MSH3: variants seen among roughly 807,000 people sequenced by gnomAD.
MSH3 encodes the protein DNA mismatch repair protein Msh3.
In MSH3, 106 loss-of-function variants were observed where a neutral mutation model predicts 123.3. The ratio of observed to expected loss-of-function variants is 0.86; its 90% CI spans 0.73 to 1.01. The LOEUF is 1.01. Ranked by LOEUF, MSH3 falls within the 50% of genes least tolerant of loss-of-function variation. The pLI, the probability that MSH3 is intolerant of heterozygous loss-of-function variation, is 0.00. For missense variants in MSH3, 1,459 were observed against 1,347.6 expected, an observed-to-expected ratio of 1.08 and a Z score of -1.29; for synonymous variants, 515 against 481.4, an observed-to-expected ratio of 1.07 and a Z score of -0.91.
At position 80,654,764 on chromosome 5, in the gene MSH3, GC is replaced by G; in HGVS notation, c.39del (p.Ser14ProfsTer11). The G allele has an allele frequency of 6.2e-7, 1 of 1,604,094 alleles. No individual in the cohort carries two copies. Among genetic ancestry groups the G allele is most frequent in the Non-Finnish European group, 8.5e-7 (1 of 1,176,480 alleles). The part of the protein sequence containing the change: ...RRKPASGGLA[A>X]SSSAPARQAV... Reference sequence around the variant, plus strand: ...GAAGCCTGCGTCGGGCGGCCTCGCTGCCTCCAGCTCAGCCCCTGCGAGGCAA... The same window carrying G: ...GAAGCCTGCGTCGGGCGGCCTCGCTGCTCCAGCTCAGCCCCTGCGAGGCAA... On this transcript the variant is annotated frameshift_variant, in exon 1 of 24. Transcript: ENST00000265081. LOFTEE classifies it high-confidence loss of function.
intron 19 of MSH3, among the ~76,000 whole-genome samples, chr5:80,812,300 G>A (rs1042660764): frequency 6.6e-6 from 1 of 152,156 alleles, no homozygotes; most frequent in Non-Finnish European, 1.5e-5. Context: ...TTTGTGTGAA[G>A]TTTCTCACTT....
Position 80,654,693 on chromosome 5 carries a change from A to C in MSH3, c.-35A>C. 1 of 1,562,320 alleles carries C rather than the reference A, an allele frequency of 6.4e-7. No individual in the cohort carries two copies. Among genetic ancestry groups the C allele is most frequent in the Non-Finnish European group, 8.7e-7 (1 of 1,154,950 alleles). On this transcript the variant is annotated 5_prime_UTR_variant, in exon 1 of 24. Transcript: ENST00000265081. ...CGGCCGCGGGCTCGCGCTCCTCGCC[A>C]GGCCCTGCCGCCGGGCTGCCATCCT...
chr5:80,802,597 T>C (rs751934895), intron 19 of MSH3, among the ~76,000 whole-genome samples: 1 of 152,156 alleles, frequency 6.6e-6, no homozygotes, highest in Non-Finnish European at 1.5e-5. Flanking sequence ...ATACTCTTAG[T>C]TATTTTTAAA....
At chr5:80,823,764 T>TA (rs1745240799) in intron 20 of MSH3, among the ~76,000 whole-genome samples, 2 of 152,044 alleles carry the variant, frequency 1.3e-5, no homozygotes, top group Non-Finnish European at 1.5e-5. Flanking sequence ...GGCAGGGTCA[T>TA]AGGACAATAG....
intron 19 of MSH3, among the ~76,000 whole-genome samples, chr5:80,813,265 T>G (rs1485888512): frequency 6.6e-6 from 1 of 152,168 alleles, no homozygotes; most frequent in Admixed American, 6.5e-5. Flanking sequence ...AAATGGAAAT[T>G]GATAGTCTTT....
chr5:80,717,093 A>G (rs758555573), intron 8 of MSH3, among the ~76,000 whole-genome samples: 1 of 152,084 alleles, frequency 6.6e-6, no homozygotes, highest in South Asian at 2.1e-4. Flanking sequence ...CCACATTTTC[A>G]TTATCTGTTC....
At chr5:80,847,809 A>G (rs945190498) in intron 20 of MSH3, among the ~76,000 whole-genome samples, 21 of 152,236 alleles carry the variant, frequency 1.4e-4, no homozygotes, top group Admixed American at 1.0e-3. Flanking sequence ...TGCACTTCCT[A>G]TTTGAGCAGC....
chr5:80,805,329 G>A lies in MSH3; in HGVS notation c.2656-8255G>A, dbSNP rs116358940. Reference sequence around the variant, plus strand: ...CAGGCAAGCCATTTTAGAAGGGGTGGTGGAAAAAACTTCTCCATACACTTA... The same window carrying A: ...CAGGCAAGCCATTTTAGAAGGGGTGATGGAAAAAACTTCTCCATACACTTA... On this transcript the variant is annotated intron_variant, in intron 19 of 23. Coordinates refer to ENST00000265081, the MANE Select transcript of MSH3 (RefSeq NM_002439.5). Among the ~76,000 whole-genome samples, 1,333 of 152,186 alleles carry A rather than the reference G, an allele frequency of 8.8e-3. 20 individuals carry two copies. The highest frequency in any genetic ancestry group is 0.031 in the African/African-American group (1,275 of 41,514).
Position 80,803,345 on chromosome 5 carries a change from T to C in MSH3, c.2656-10239T>C, listed in dbSNP as rs1282431773. 2.6e-5 allele frequency among the ~76,000 whole-genome samples: 4 copies of C among 152,244 alleles called. No homozygotes were observed. The South Asian group carries it at 6.2e-4, about 24-fold the overall frequency. ...TGATGATCAATCATGTTGCACCTGTTCATATGCCTGTTGTTTGTATGCCTT... is the reference window on the plus strand; with the variant it reads ...TGATGATCAATCATGTTGCACCTGTCCATATGCCTGTTGTTTGTATGCCTT... On this transcript the variant is annotated intron_variant, in intron 19 of 23. Transcript: ENST00000265081.
At chr5:80,746,402 T>C (rs964555326) in intron 12 of MSH3, 1 of 428,708 alleles carries the variant, frequency 2.3e-6, no homozygotes, top group Non-Finnish European at 4.6e-6. Flanking sequence ...GTAAAGTCAT[T>C]TTTGATATTG....
chr5:80,723,162 C>T (rs944364116), intron 8 of MSH3, among the ~76,000 whole-genome samples: 3 of 151,164 alleles, frequency 2.0e-5, no homozygotes, highest in South Asian at 2.1e-4. Context: ...TTGTGAAGAC[C>T]GAAGGTAAGT....
At chr5:80,808,086 A>G (rs1439529012) in intron 19 of MSH3, among the ~76,000 whole-genome samples, 3 of 152,148 alleles carry the variant, frequency 2.0e-5, no homozygotes, top group South Asian at 2.1e-4. Flanking sequence ...ATTAATTACT[A>G]AGTACTTTTT....
intron 2 of MSH3, among the ~76,000 whole-genome samples, chr5:80,660,000 A>G (rs1749394154): frequency 6.6e-6 from 1 of 151,434 alleles, no homozygotes; most frequent in African/African-American, 2.4e-5. Context: ...AAACTTAGAT[A>G]CATTTGAAAA....
At chr5:80,739,084 A>G (rs533863493) in intron 10 of MSH3, among the ~76,000 whole-genome samples, 1 of 152,344 alleles carries the variant, frequency 6.6e-6, no homozygotes, top group African/African-American at 2.4e-5. Context: ...TAACCCAAAT[A>G]AACAAAGATG....
intron 21 of MSH3, among the ~76,000 whole-genome samples, chr5:80,859,371 C>T (rs1260641093): frequency 6.6e-6 from 1 of 152,146 alleles, no homozygotes; most frequent in Non-Finnish European, 1.5e-5. Flanking sequence ...AGTGATCCAT[C>T]TGCCTCGGCC....
chr5:80,747,180 A>T (rs1743737263), intron 12 of MSH3, among the ~76,000 whole-genome samples: 1 of 152,144 alleles, frequency 6.6e-6, no homozygotes, highest in African/African-American at 2.4e-5. Flanking sequence ...CATCTACTAC[A>T]ATTCTTACTG....
chr5:80,837,927 C>T (rs1580080981), intron 20 of MSH3, among the ~76,000 whole-genome samples: 3 of 152,294 alleles, frequency 2.0e-5, no homozygotes, highest in Admixed American at 2.0e-4. Context: ...GGTTGTGAGT[C>T]TGAGGTCCTC....
intron 20 of MSH3, among the ~76,000 whole-genome samples, chr5:80,825,853 G>A (rs1430092858): frequency 2.0e-5 from 3 of 151,996 alleles, no homozygotes; most frequent in Non-Finnish European, 4.4e-5. Context: ...TTAATGCTAG[G>A]GACATTTTTT....
chr5:80,802,569 G>A (rs1397707588), intron 19 of MSH3, among the ~76,000 whole-genome samples: 1 of 151,882 alleles, frequency 6.6e-6, no homozygotes, highest in Admixed American at 6.6e-5. Context: ...CTTTCTTTAT[G>A]TTACAAACAA....
Sources: allele counts gnomAD v4.1 joint callset (sites outside exome capture counted in the v4.1 genomes callset), GRCh38; gene constraint gnomAD v4.1.1; transcripts MANE v1.5; gene names NCBI Gene and HGNC (gene_info 2026-07-23, HGNC 2026-07-21).